The following ADGRB3 variants were observed in gnomAD, a reference collection of about 807,000 sequenced individuals.
ADGRB3 encodes the protein brain-specific angiogenesis inhibitor 3.
In ADGRB3, 37 loss-of-function variants were observed where a neutral mutation model predicts 193.4. That is an observed-to-expected ratio of 0.19 (90% CI 0.15 to 0.25). The LOEUF is 0.25. ADGRB3 is among the 10% of genes least tolerant of loss of function. ADGRB3 has a pLI of 1.00. For missense variants in ADGRB3, 1,637 were observed against 1,852.9 expected, an observed-to-expected ratio of 0.88 and a Z score of 2.14; for synonymous variants, 690 against 644.2, an observed-to-expected ratio of 1.07 and a Z score of -1.08.
chr6:68,759,277 G>A (rs1387193921), intron 3 of ADGRB3, among the ~76,000 whole-genome samples: 1 of 151,802 alleles, frequency 6.6e-6, no homozygotes, highest in Non-Finnish European at 1.5e-5. Context: ...TATATTTGAG[G>A]CAAATGAAAA....
In ADGRB3 at chr6:68,771,871, C is replaced by T. The variant is rs570365657; in HGVS notation, c.757+132439C>T. On this transcript the variant is annotated intron_variant, in intron 3 of 31. Coordinates refer to ENST00000370598, the MANE Select transcript of ADGRB3 (RefSeq NM_001704.3). Reference sequence around the variant, plus strand: ...AAATATATAGAACTTGAGGGGAAATCGGTGGTTTTCCAGGTTCAATTGCAA... The same window carrying T: ...AAATATATAGAACTTGAGGGGAAATTGGTGGTTTTCCAGGTTCAATTGCAA... 1.2e-4 allele frequency among the ~76,000 whole-genome samples: 18 copies of T among 152,040 alleles called. No homozygotes were observed. The South Asian group carries it at 1.9e-3, about 16-fold the overall frequency.
intron 13 of ADGRB3, among the ~76,000 whole-genome samples, chr6:69,043,007 A>G (rs956190551): frequency 6.6e-6 from 1 of 152,108 alleles, no homozygotes; most frequent in African/African-American, 2.4e-5. Flanking sequence ...TGCGTTTACC[A>G]CTTAGTCTGA....
chr6:68,660,059 G>A (rs1768589219), intron 3 of ADGRB3, among the ~76,000 whole-genome samples: 2 of 150,870 alleles, frequency 1.3e-5, no homozygotes, highest in South Asian at 4.1e-4. Context: ...GGTTCTTGAA[G>A]TTAATACAGA....
At chr6:68,896,368 T>C (rs1766218485) in intron 3 of ADGRB3, among the ~76,000 whole-genome samples, 1 of 152,104 alleles carries the variant, frequency 6.6e-6, no homozygotes, top group African/African-American at 2.4e-5. Flanking sequence ...ATGCAAAAGT[T>C]TCTCTTCTCT....
chr6:68,766,709 T>C (rs1221647863), intron 3 of ADGRB3, among the ~76,000 whole-genome samples: 1 of 152,046 alleles, frequency 6.6e-6, no homozygotes, highest in East Asian at 1.9e-4. Context: ...ACTTTTTTAC[T>C]TCTTGTCCCA....
intron 17 of ADGRB3, among the ~76,000 whole-genome samples, chr6:69,152,245 A>G (rs1774701462): frequency 6.6e-6 from 1 of 152,198 alleles, no homozygotes; most frequent in South Asian, 2.1e-4. Context: ...GCATGATTCC[A>G]TAATTAGTTC....
At chr6:69,144,666 C>A (rs925627038) in intron 17 of ADGRB3, among the ~76,000 whole-genome samples, 1 of 152,086 alleles carries the variant, frequency 6.6e-6, no homozygotes, top group Admixed American at 6.6e-5. Flanking sequence ...TTGAAATGAT[C>A]ATATTATTTT....
At chr6:69,023,034 T>C (rs1467783321) in intron 13 of ADGRB3, among the ~76,000 whole-genome samples, 1 of 152,104 alleles carries the variant, frequency 6.6e-6, no homozygotes. Context: ...TAGAAATTAA[T>C]TGTATTAGTT....
chr6:68,730,146 ATACT>A (rs746641088), intron 3 of ADGRB3, among the ~76,000 whole-genome samples: 1 of 151,734 alleles, frequency 6.6e-6, no homozygotes, highest in Non-Finnish European at 1.5e-5. Flanking sequence ...AATCAGATGA[ATACT>A]TAAATTCTTA....
intron 13 of ADGRB3, among the ~76,000 whole-genome samples, chr6:69,027,190 CTATTTT>C (rs1205528749): frequency 6.6e-6 from 1 of 151,180 alleles, no homozygotes; most frequent in Non-Finnish European, 1.5e-5. Context: ...AAACTTTTTT[CTATTTT>C]TAATTTTTAA....
At chr6:69,176,949 T>G (rs1438726764) in intron 17 of ADGRB3, among the ~76,000 whole-genome samples, 1 of 152,246 alleles carries the variant, frequency 6.6e-6, no homozygotes, top group Non-Finnish European at 1.5e-5. Context: ...CAGGATTTTC[T>G]GTATTTCTGT....
intron 3 of ADGRB3, among the ~76,000 whole-genome samples, chr6:68,785,726 C>T (rs555520823): frequency 9.2e-5 from 14 of 152,178 alleles, no homozygotes; most frequent in African/African-American, 2.9e-4. Flanking sequence ...CCTGAGAAAT[C>T]GCCACACCAA....
chr6:69,184,287 C>G (rs1289487736), intron 17 of ADGRB3, among the ~76,000 whole-genome samples: 1 of 152,122 alleles, frequency 6.6e-6, no homozygotes, highest in Non-Finnish European at 1.5e-5. Flanking sequence ...ACAGGTGCCA[C>G]AGAAATCAGA....
At chr6:68,708,299 G>T (rs188012541) in intron 3 of ADGRB3, among the ~76,000 whole-genome samples, 1 of 152,236 alleles carries the variant, frequency 6.6e-6, no homozygotes, top group African/African-American at 2.4e-5. Flanking sequence ...GAAGCAAAAG[G>T]TTCAAAATGT....
chr6:69,344,957 G>A (rs1375097781), intron 26 of ADGRB3, among the ~76,000 whole-genome samples: 2 of 152,076 alleles, frequency 1.3e-5, no homozygotes, highest in Non-Finnish European at 2.9e-5. Context: ...GAAGCACATG[G>A]AGGCATAAAG....
intron 11 of ADGRB3, among the ~76,000 whole-genome samples, chr6:68,995,776 T>C (rs535848322): frequency 5.3e-4 from 80 of 152,306 alleles, no homozygotes; most frequent in African/African-American, 1.9e-3. Flanking sequence ...CTGAAATTCC[T>C]TCCTCTCCCA....
At chr6:69,355,014 T>G (rs1324379194) in intron 27 of ADGRB3, among the ~76,000 whole-genome samples, 1 of 152,208 alleles carries the variant, frequency 6.6e-6, no homozygotes, top group Admixed American at 6.5e-5. Flanking sequence ...TTAACTTTTT[T>G]GAACTAGGCA....
intron 20 of ADGRB3, among the ~76,000 whole-genome samples, chr6:69,257,098 G>A (rs538885011): frequency 0.041 from 6,197 of 152,022 alleles, 344 homozygotes; most frequent in African/African-American, 0.12. Context: ...TGCTGGATTC[G>A]GTTTGCCAGT....
intron 23 of ADGRB3, 60 bp from the exon 24 acceptor site, chr6:69,332,863 A>C (rs953983753): frequency 1.9e-5 from 31 of 1,591,210 alleles, no homozygotes; most frequent in Non-Finnish European, 2.4e-5. Flanking sequence ...TTTTCAGGAG[A>C]AACAGGGACC....
Sources: allele counts gnomAD v4.1 joint callset (sites outside exome capture counted in the v4.1 genomes callset), GRCh38; gene constraint gnomAD v4.1.1; transcripts MANE v1.5; gene names NCBI Gene and HGNC (gene_info 2026-07-23, HGNC 2026-07-21).